Variants in DHX8 observed in about 807,000 individuals in gnomAD.
DHX8 encodes ATP-dependent RNA helicase DHX8.
DHX8 carries 67 observed loss-of-function variants against 140.7 expected under a neutral mutation model. The ratio of observed to expected loss-of-function variants is 0.48; its 90% CI spans 0.39 to 0.58. DHX8 has a LOEUF of 0.58. Ranked by LOEUF, DHX8 falls within the 20% of genes least tolerant of loss-of-function variation. The pLI, the probability that DHX8 is intolerant of heterozygous loss-of-function variation, is 0.00. For missense variants in DHX8, 887 were observed against 1,550.7 expected, an observed-to-expected ratio of 0.57 and a Z score of 7.19; for synonymous variants, 533 against 553.2, an observed-to-expected ratio of 0.96 and a Z score of 0.51.
chr17:43,543,265 AAC>A (rs1189446827), intron 3 of DHX8, among the ~76,000 whole-genome samples: 2 of 63,006 alleles, frequency 3.2e-5, no homozygotes, highest in Non-Finnish European at 6.4e-5. Context: ...GCATGTAACT[AAC>A]ACACACACAC....
intron 2 of DHX8, chr17:43,534,016 A>G (rs1260220553): frequency 6.7e-7 from 1 of 1,484,962 alleles, no homozygotes; most frequent in Non-Finnish European, 8.9e-7. Flanking sequence ...GAGCAAGGCC[A>G]GAGCCTGTCA....
intron 17 of DHX8, among the ~76,000 whole-genome samples, chr17:43,515,433 C>T (rs929520908): frequency 1.3e-5 from 2 of 152,186 alleles, no homozygotes; most frequent in Non-Finnish European, 2.9e-5. Context: ...ATGATCCACC[C>T]GCCTCAGCCT....
At chr17:43,496,357 A>G (rs1048194052) in intron 9 of DHX8, 89 bp downstream of exon 9, 17 of 867,824 alleles carry the variant, frequency 2.0e-5, no homozygotes, top group Non-Finnish European at 3.0e-5. Flanking sequence ...AGTGGCTATT[A>G]ATCATTTGTT....
intron 11 of DHX8, 108 bp downstream of exon 11, chr17:43,500,211 G>A (rs924095505): frequency 2.3e-6 from 3 of 1,294,852 alleles, no homozygotes; most frequent in African/African-American, 3.0e-5. Context: ...TTGGGCCGGG[G>A]CGGTGGCTCA....
At chr17:43,528,527 A>G (rs764630172), downstream of DHX8, 2 of 1,607,464 alleles carry the variant, frequency 1.2e-6, no homozygotes, top group Middle Eastern at 1.8e-4. Flanking sequence ...GGCTAGTAAG[A>G]GTAGCCACCC....
chr17:43,541,283 C>T (rs1469213188), intron 3 of DHX8, among the ~76,000 whole-genome samples: 1 of 152,218 alleles, frequency 6.6e-6, no homozygotes, highest in Non-Finnish European at 1.5e-5. Flanking sequence ...TCCTGGAGAG[C>T]AGGAGAATTT....
At chr17:43,537,447 A>T (rs559072614) in intron 3 of DHX8, among the ~76,000 whole-genome samples, 87 of 152,128 alleles carry the variant, frequency 5.7e-4, no homozygotes, top group African/African-American at 2.0e-3. Context: ...TAATCCCAGC[A>T]CTTTGGGAGG....
intron 1 of DHX8, among the ~76,000 whole-genome samples, chr17:43,488,288 AAAAAAAAAG>A (rs149922388): frequency 0.24 from 34,857 of 147,876 alleles, 4,118 homozygotes; most frequent in East Asian, 0.32. Flanking sequence ...AAAAAAAAGA[AAAAAAAAAG>A]AAAAAAAGAA....
At chr17:43,539,418 C>T (rs1454817065) in intron 3 of DHX8, among the ~76,000 whole-genome samples, 1 of 152,140 alleles carries the variant, frequency 6.6e-6, no homozygotes, top group Admixed American at 6.6e-5. Context: ...CTCTCTATTG[C>T]ATCTATGTTT....
At chr17:43,488,484 G>T (rs1323966487) in intron 1 of DHX8, among the ~76,000 whole-genome samples, 1 of 151,604 alleles carries the variant, frequency 6.6e-6, no homozygotes, top group Admixed American at 6.6e-5. Flanking sequence ...GGTGGTGGGC[G>T]CCTGTAGTCC....
At chr17:43,506,960 C>T (rs1050112163) in intron 12 of DHX8, 43 bp from the exon 13 acceptor site, 8 of 1,435,624 alleles carry the variant, frequency 5.6e-6, no homozygotes, top group Non-Finnish European at 6.6e-6. Flanking sequence ...TATTTATATT[C>T]TGGCAGATTT....
At position 43,524,642 on chromosome 17, in the gene DHX8, C is replaced by T; in HGVS notation, c.*795C>T. The T allele has an allele frequency of 1.0e-6, 1 of 985,494 alleles. No homozygotes were observed. The highest frequency in any genetic ancestry group is 1.2e-6 in the Non-Finnish European group (1 of 829,976). 61.0% of individuals were successfully genotyped at this position (985,494 alleles called of 1,614,324 possible). On this transcript the variant is annotated 3_prime_UTR_variant, in exon 23 of 23. Transcript: ENST00000262415. The stretch of plus-strand genomic sequence containing the variant: ...TAAATACAGAAGGTTTCCCCTTGCT[C>T]CCTCCACCTCCCACATTCGCAATGT...
At chr17:43,486,272 G>A (rs1360133284) in intron 1 of DHX8, among the ~76,000 whole-genome samples, 1 of 150,866 alleles carries the variant, frequency 6.6e-6, no homozygotes, top group Non-Finnish European at 1.5e-5. Flanking sequence ...GCAGAGTTGG[G>A]TTTAATAACA....
At chr17:43,544,334 A>T (rs1308051523) in exon 4 of DHX8, 1 of 152,828 alleles carries the variant, frequency 6.5e-6, no homozygotes, top group East Asian at 1.9e-4. Context: ...ATTTGCCTGG[A>T]GGCAGAGGTA....
At chr17:43,532,586 A>T in intron 2 of DHX8, 1 of 1,244,498 alleles carries the variant, frequency 8.0e-7, no homozygotes, top group Non-Finnish European at 1.1e-6. Flanking sequence ...ATGAAATGGT[A>T]AACAGCAATG....
intron 2 of DHX8, 44 bp from the exon 3 acceptor site, chr17:43,490,347 T>C (rs1287286963): frequency 1.3e-6 from 2 of 1,505,958 alleles, no homozygotes; most frequent in African/African-American, 2.8e-5. Flanking sequence ...ATTTAAGCAC[T>C]GATATGGGAG....
rs1298650625 is a variant in DHX8 at position 43,492,935 on chromosome 17, A to G, written c.758A>G (p.His253Arg). Residue 253 changes from histidine (H) to arginine (R), a missense_variant, in exon 6 of 23, where the codon CAT becomes CGT. Physicochemically the swap from His to Arg is conservative, Grantham distance 29. This residue lies in a region of DHX8 where 304 missense variants were observed against 306.9 expected (regional missense o/e 0.99). Transcript: ENST00000262415. ...ERNLDRWRDK[H>R]VDRPPPEEPT... ...AATCTGGATAGATGGCGGGATAAGC[A>G]TGTGGACCGCCCTCCTCCAGAAGAG... is the stretch of plus-strand genomic sequence containing the variant. 15 of 1,614,098 alleles carry G rather than the reference A, an allele frequency of 9.3e-6. No individual in the cohort carries two copies. Among genetic ancestry groups the G allele is most frequent in the Non-Finnish European group, 1.2e-5 (14 of 1,180,052 alleles).
chr17:43,509,817 C>T (rs1278186608), intron 16 of DHX8, among the ~76,000 whole-genome samples: 1 of 151,108 alleles, frequency 6.6e-6, no homozygotes, highest in Non-Finnish European at 1.5e-5. Context: ...TATAAGCACC[C>T]ACTACCACGC....
chr17:43,526,254 G>A (rs1970612404), downstream of DHX8: 3 of 1,297,606 alleles, frequency 2.3e-6, no homozygotes, highest in African/African-American at 1.5e-5. Context: ...AGGAGAGGAT[G>A]TGGGTCTCAT....
Sources: gnomAD v4.1 joint callset for allele counts (sites outside exome capture counted in the v4.1 genomes callset) on GRCh38, gnomAD v4.1.1 for gene constraint, gnomAD v4.1.1 regional missense constraint, MANE v1.5 for transcripts, NCBI Gene and HGNC (gene_info 2026-07-23, HGNC 2026-07-21) for gene names.